KLC2: variants seen among roughly 807,000 people sequenced by gnomAD.
The protein encoded by KLC2 is kinesin light chain 2.
Under a neutral mutation model 75.1 loss-of-function variants are expected in KLC2, and 35 were observed. The observed-to-expected ratio is 0.47, with a 90% CI of 0.36 to 0.62. KLC2 has a LOEUF of 0.62. Among genes scored for constraint, KLC2 ranks in the 20% least tolerant of loss-of-function variants. The probability of loss-of-function intolerance (pLI) is 0.00; values close to 1 mark genes in which losing one functional copy is unlikely to be tolerated. For synonymous variants in KLC2, 314 were observed against 336.7 expected, an observed-to-expected ratio of 0.93 and a Z score of 0.74; for missense variants, 611 against 833.2, an observed-to-expected ratio of 0.73 and a Z score of 3.28.
At chr11:66,252,426 G>GCCTCAACTCT (rs1164169381), upstream of KLC2, among the ~76,000 whole-genome samples, 1 of 137,038 alleles carries the variant, frequency 7.3e-6, no homozygotes, top group Non-Finnish European at 1.7e-5. Context: ...ACCATGCCCG[G>GCCTCAACTCT]CTAATTTTTT....
the KLC2 span, among the ~76,000 whole-genome samples, chr11:66,247,312 C>T: frequency 6.6e-6 from 1 of 152,206 alleles, no homozygotes; most frequent in Non-Finnish European, 1.5e-5. Flanking sequence ...TTTTTCAGAG[C>T]TGAGCAGATC....
chr11:66,266,566 C>A, intron 15 of KLC2, 76 bp downstream of exon 15: 1 of 1,382,368 alleles, frequency 7.2e-7, no homozygotes, highest in Non-Finnish European at 1.0e-6. Context: ...TTCCCTCCAG[C>A]ATGCCTCTTC....
rs772387000 is a variant in KLC2, at chr11:66,265,637, A to G, written c.1335-18A>G. 1.9e-6 allele frequency: 3 copies of G among 1,597,278 alleles called. No homozygotes were observed. In the South Asian group the frequency reaches 3.3e-5, roughly 18 times the overall value. On this transcript the variant is annotated intron_variant, in intron 11 of 15. Transcript: ENST00000394067. Reference sequence around the variant, plus strand: ...TGGGTCTGGGGGAACATGGAGTTTGAGACTGTCCCATCCACAGCCCCACAG... The same window carrying G: ...TGGGTCTGGGGGAACATGGAGTTTGGGACTGTCCCATCCACAGCCCCACAG...
upstream of KLC2, chr11:66,257,508 C>G (rs1366204410): frequency 6.6e-6 from 1 of 152,204 alleles, no homozygotes; most frequent in Non-Finnish European, 1.5e-5. Flanking sequence ...GGTTCGACCT[C>G]CCGAGCAGCT....
chr11:66,248,941 G>A, the KLC2 span, among the ~76,000 whole-genome samples: 1 of 152,018 alleles, frequency 6.6e-6, no homozygotes. Context: ...GGTAGAGATA[G>A]GGTCTTGAAC....
chr11:66,261,627 A>C, intron 2 of KLC2, 115 bp from the exon 3 acceptor site: 4 of 634,074 alleles, frequency 6.3e-6, no homozygotes, highest in Non-Finnish European at 2.8e-6. Flanking sequence ...GCAGCTCCTC[A>C]CTGTAGGGCC....
chr11:66,255,578 C>T (rs988757840), upstream of KLC2, among the ~76,000 whole-genome samples: 1 of 152,112 alleles, frequency 6.6e-6, no homozygotes, highest in African/African-American at 2.4e-5. Context: ...ACCTCAGGGG[C>T]CCTGGAGGAA....
chr11:66,244,400 G>A, the KLC2 span: 3 of 152,528 alleles, frequency 2.0e-5, no homozygotes, highest in Admixed American at 2.0e-4. Flanking sequence ...CACCAACCCG[G>A]GGTCTGAGCC....
At chr11:66,250,194 C>G in the KLC2 span, among the ~76,000 whole-genome samples, 1 of 152,182 alleles carries the variant, frequency 6.6e-6, no homozygotes, top group Non-Finnish European at 1.5e-5. Flanking sequence ...TAGCCTCTGT[C>G]TCTTCAGTCA....
chr11:66,256,947 G>A (rs1487608312), upstream of KLC2, among the ~76,000 whole-genome samples: 3 of 152,168 alleles, frequency 2.0e-5, no homozygotes, highest in Non-Finnish European at 4.4e-5. Flanking sequence ...TTGGGATGGG[G>A]AAGGGTCAGG....
At chr11:66,266,544 G>A (rs771991499) in intron 15 of KLC2, 54 bp downstream of exon 15, 41 of 1,507,286 alleles carry the variant, frequency 2.7e-5, no homozygotes, top group South Asian at 1.7e-4. Context: ...GGCTGCATGC[G>A]TGCTGCCAAG....
rs1490179468 is a variant in KLC2, at chr11:66,265,161, C to T, written c.1267-7C>T. 1.1e-5 allele frequency: 17 copies of T among 1,612,738 alleles called. No homozygotes were observed. Among genetic ancestry groups the T allele is most frequent in the South Asian group, 3.3e-5 (3 of 91,062 alleles). ...CTCTCACTTCTTGTGACCATTCTTTCCTCCAGGATAAGCGCCGGGACAGCG... is the reference window on the plus strand; with the variant it reads ...CTCTCACTTCTTGTGACCATTCTTTTCTCCAGGATAAGCGCCGGGACAGCG... On this transcript the variant is annotated splice_polypyrimidine_tract_variant and splice_region_variant and intron_variant, in intron 10 of 15. Coordinates refer to ENST00000394067, the MANE Select transcript of KLC2 (RefSeq NM_001318734.2).
chr11:66,256,820 A>G (rs1247242324), upstream of KLC2, among the ~76,000 whole-genome samples: 1 of 151,804 alleles, frequency 6.6e-6, no homozygotes, highest in African/African-American at 2.4e-5. Flanking sequence ...TTATGGGGGG[A>G]CGTCCCTCTG....
At chr11:66,263,210 C>T in intron 5 of KLC2, 174 bp downstream of exon 5, 1 of 603,902 alleles carries the variant, frequency 1.7e-6, no homozygotes, top group Non-Finnish European at 2.9e-6. Context: ...TGGGGAGGGA[C>T]TGCACATGAG....
chr11:66,266,348 T>TGCCAACC, intron 14 of KLC2, 85 bp from the exon 15 acceptor site: 1 of 1,487,628 alleles, frequency 6.7e-7, no homozygotes, highest in Non-Finnish European at 9.2e-7. Flanking sequence ...ACCAGTCTGT[T>TGCCAACC]CCCTCCCCAG....
rs770245911 is a variant in KLC2 at position 66,267,390 on chromosome 11, A to AC, written c.*437dup. On this transcript the variant is annotated 3_prime_UTR_variant, in exon 16 of 16. Coordinates refer to ENST00000394067, the MANE Select transcript of KLC2 (RefSeq NM_001318734.2). ...GCGCCTCCCTTCAGTCCACGGTACT[A>AC]CCCGGGCCTCCCCTCGTCCCTCTTC... is the stretch of plus-strand genomic sequence containing the variant. 138 of 719,168 alleles carry AC rather than the reference A, an allele frequency of 1.9e-4. 1 individual carries two copies. In the South Asian group the frequency reaches 2.0e-3, roughly 11 times the overall value. 44.5% of individuals were successfully genotyped at this position (719,168 alleles called of 1,614,324 possible).
chr11:66,265,567 A>G (rs1856764562), intron 11 of KLC2, 88 bp from the exon 12 acceptor site: 1 of 1,097,426 alleles, frequency 9.1e-7, no homozygotes, highest in African/African-American at 1.6e-5. Flanking sequence ...CCGGAGGTCC[A>G]TGCTTCCTCA....
chr11:66,255,544 A>G (rs145165938), upstream of KLC2, among the ~76,000 whole-genome samples: 1 of 152,098 alleles, frequency 6.6e-6, no homozygotes, highest in African/African-American at 2.4e-5. Context: ...GAAGGATCAC[A>G]GATCCCAAAC....
At chr11:66,247,922 A>G in the KLC2 span, among the ~76,000 whole-genome samples, 153 of 152,292 alleles carry the variant, frequency 1.0e-3, no homozygotes, top group African/African-American at 3.5e-3. Context: ...GTAAGAAGAT[A>G]GACTCCTACC....
Sources: gnomAD v4.1 joint callset for allele counts (sites outside exome capture counted in the v4.1 genomes callset) on GRCh38, gnomAD v4.1.1 for gene constraint, MANE v1.5 for transcripts, NCBI Gene and HGNC (gene_info 2026-07-23, HGNC 2026-07-21) for gene names.